Variants in ENOX1 observed in about 807,000 individuals in gnomAD.
ENOX1 encodes candidate growth-related and time keeping constitutive hydroquinone (NADH) oxidase.
ENOX1 carries 42 observed loss-of-function variants against 82.5 expected under a neutral mutation model. The observed-to-expected ratio is 0.51, with a 90% CI of 0.40 to 0.66. The LOEUF is 0.66. ENOX1 is among the 30% of genes least tolerant of loss of function. The probability of loss-of-function intolerance (pLI) is 0.00; values close to 1 mark genes in which losing one functional copy is unlikely to be tolerated. For missense variants in ENOX1, 608 were observed against 811.6 expected (o/e 0.75, Z 3.05); for synonymous variants, 271 against 282.2 (o/e 0.96, Z 0.40).
chr13:43,356,268 A>G (rs572080955), intron 7 of ENOX1, 116 bp from the exon 8 acceptor site: 1 of 820,178 alleles, frequency 1.2e-6, no homozygotes, highest in East Asian at 2.7e-5. Flanking sequence ...GTCACTACGG[A>G]TACATTTCCC....
intron 2 of ENOX1, among the ~76,000 whole-genome samples, chr13:43,543,746 G>A (rs575698176): frequency 6.9e-6 from 1 of 144,432 alleles, no homozygotes; most frequent in East Asian, 2.0e-4. Context: ...TTGATTTCCT[G>A]TTAAATAGTT....
intron 5 of ENOX1, among the ~76,000 whole-genome samples, chr13:43,410,608 A>G (rs2054065054): frequency 7.5e-6 from 1 of 133,708 alleles, no homozygotes; most frequent in South Asian, 2.5e-4. Flanking sequence ...GTATACACAT[A>G]TACACATACA....
At chr13:43,226,640 T>G (rs1255750200) in intron 15 of ENOX1, among the ~76,000 whole-genome samples, 3 of 152,200 alleles carry the variant, frequency 2.0e-5, no homozygotes, top group African/African-American at 7.2e-5. Flanking sequence ...CTATGGCCAC[T>G]GCTTTCCACA....
At chr13:43,582,670 C>T (rs1034577828) in intron 2 of ENOX1, among the ~76,000 whole-genome samples, 8 of 152,088 alleles carry the variant, frequency 5.3e-5, no homozygotes, top group Admixed American at 3.3e-4. Flanking sequence ...ACCTCCCAGG[C>T]TCATGGGTTG....
intron 10 of ENOX1, 100 bp downstream of exon 10, chr13:43,326,319 A>G (rs879097820): frequency 2.0e-5 from 18 of 919,610 alleles, no homozygotes; most frequent in Non-Finnish European, 6.7e-6. Context: ...TGGCAGGCGG[A>G]CTGCCCACTA....
chr13:43,345,783 C>G lies in ENOX1; in HGVS notation c.824-1033G>C, dbSNP rs532279673. Reference sequence around the variant, plus strand: ...GAAAATGTGCTTTAGGGAAAAATACCCTACATTTTTACAAGTAAACTAGGT... The same window carrying G: ...GAAAATGTGCTTTAGGGAAAAATACGCTACATTTTTACAAGTAAACTAGGT... On this transcript the variant is annotated intron_variant, in intron 8 of 16. Transcript: ENST00000690772. Among the ~76,000 whole-genome samples, 4 of 152,094 alleles carry G rather than the reference C, an allele frequency of 2.6e-5. No individual in the cohort carries two copies. The South Asian group carries it at 8.3e-4, about 32-fold the overall frequency.
intron 2 of ENOX1, among the ~76,000 whole-genome samples, chr13:43,538,681 A>G (rs570743743): frequency 6.6e-6 from 1 of 152,248 alleles, no homozygotes; most frequent in East Asian, 1.9e-4. Context: ...TCCTCTTATT[A>G]TATTTCTAAT....
At chr13:43,228,787 T>C (rs1010430387) in intron 15 of ENOX1, among the ~76,000 whole-genome samples, 1 of 152,228 alleles carries the variant, frequency 6.6e-6, no homozygotes, top group Non-Finnish European at 1.5e-5. Context: ...TGTGGAACTT[T>C]TATTCCAGGT....
At chr13:43,269,057 T>G (rs1330358628) in intron 13 of ENOX1, among the ~76,000 whole-genome samples, 1 of 152,210 alleles carries the variant, frequency 6.6e-6, no homozygotes, top group Non-Finnish European at 1.5e-5. Context: ...GGAAGATACT[T>G]TTTAAATGTT....
At chr13:43,421,040 G>A (rs1221643133) in intron 3 of ENOX1, among the ~76,000 whole-genome samples, 5 of 152,152 alleles carry the variant, frequency 3.3e-5, no homozygotes, top group Admixed American at 1.3e-4. Flanking sequence ...TAAAGTAGGA[G>A]TATTATATCA....
chr13:43,622,072 G>A (rs1015785063), intron 2 of ENOX1, among the ~76,000 whole-genome samples: 1 of 152,006 alleles, frequency 6.6e-6, no homozygotes, highest in South Asian at 2.1e-4. Context: ...GCAAAAATGT[G>A]TCCAAAGCTT....
intron 9 of ENOX1, among the ~76,000 whole-genome samples, chr13:43,337,406 ATAAG>A (rs1481666111): frequency 1.3e-4 from 20 of 152,224 alleles, no homozygotes; most frequent in African/African-American, 4.6e-4. Context: ...TAATTAGAAA[ATAAG>A]TAAGTCCTCA....
At position 43,617,601 on chromosome 13, in the gene ENOX1, C is replaced by T. The variant is rs574664606; in HGVS notation, c.-219+49878G>A. On this transcript the variant is annotated intron_variant, in intron 2 of 16. Transcript: ENST00000690772. ...AGTATTCCATGGTTTATATATACCA[C>T]GGTTTCTTTATCCACTTGTTGACTG... Among the ~76,000 whole-genome samples the T allele has an allele frequency of 5.3e-5, 8 of 152,234 alleles. No individual in the cohort carries two copies. In the East Asian group the frequency reaches 7.7e-4, roughly 15 times the overall value.
intron 10 of ENOX1, among the ~76,000 whole-genome samples, chr13:43,325,747 G>A (rs2048074878): frequency 6.6e-6 from 1 of 152,148 alleles, no homozygotes; most frequent in Non-Finnish European, 1.5e-5. Context: ...CAGGTTCAAA[G>A]CGTACACTAC....
intron 2 of ENOX1, among the ~76,000 whole-genome samples, chr13:43,564,193 A>G (rs1259849002): frequency 6.6e-6 from 1 of 152,182 alleles, no homozygotes; most frequent in African/African-American, 2.4e-5. Context: ...AATGAAATTG[A>G]AGAGGTCTCA....
At chr13:43,375,509 T>A (rs1207687638) in intron 5 of ENOX1, among the ~76,000 whole-genome samples, 1 of 152,164 alleles carries the variant, frequency 6.6e-6, no homozygotes, top group African/African-American at 2.4e-5. Flanking sequence ...TAAGTCAGGA[T>A]CCCTGGCCCT....
intron 12 of ENOX1, among the ~76,000 whole-genome samples, chr13:43,272,263 A>G (rs2044729990): frequency 6.6e-6 from 1 of 152,184 alleles, no homozygotes; most frequent in African/African-American, 2.4e-5. Context: ...CATTCAGATT[A>G]CCCCAATTCT....
intron 2 of ENOX1, among the ~76,000 whole-genome samples, chr13:43,616,032 T>TTTTTTTATCCTAA (rs1366873724): frequency 7.7e-6 from 1 of 130,522 alleles, no homozygotes; most frequent in African/African-American, 2.8e-5. Context: ...TTTGCTATTG[T>TTTTTTTATCCTAA]GAACAGTGCT....
chr13:43,743,303 A>G (rs990505724), intron 1 of ENOX1, among the ~76,000 whole-genome samples: 6 of 152,204 alleles, frequency 3.9e-5, no homozygotes, highest in Non-Finnish European at 5.9e-5. Context: ...AACTGTGAGA[A>G]CTACAAATTT....
Sources: gnomAD v4.1 joint callset for allele counts (sites outside exome capture counted in the v4.1 genomes callset) on GRCh38, gnomAD v4.1.1 for gene constraint, MANE v1.5 for transcripts, NCBI Gene and HGNC (gene_info 2026-07-23, HGNC 2026-07-21) for gene names.